IGSF21: variants seen among roughly 807,000 people sequenced by gnomAD.
The protein encoded by IGSF21 is immunoglobulin superfamily member 21.
Under a neutral mutation model 46.8 loss-of-function variants are expected in IGSF21, and 28 were observed. The observed-to-expected ratio is 0.60, with a 90% CI of 0.44 to 0.82. The LOEUF (loss-of-function observed/expected upper bound fraction) is 0.82. IGSF21 is among the 40% of genes least tolerant of loss of function. The probability of loss-of-function intolerance (pLI) is 0.00; values close to 1 mark genes in which losing one functional copy is unlikely to be tolerated. For synonymous variants in IGSF21, 284 were observed against 273.6 expected, an observed-to-expected ratio of 1.04 and a Z score of -0.38; for missense variants, 624 against 665.5, an observed-to-expected ratio of 0.94 and a Z score of 0.69.
intron 1 of IGSF21, among the ~76,000 whole-genome samples, chr1:18,190,089 A>T (rs2086940775): frequency 6.6e-6 from 1 of 152,162 alleles, no homozygotes; most frequent in Non-Finnish European, 1.5e-5. Flanking sequence ...ATGTCTGGGA[A>T]TTGCCCTTGA....
At chr1:18,145,134 A>G (rs756525339) in intron 1 of IGSF21, among the ~76,000 whole-genome samples, 12 of 152,144 alleles carry the variant, frequency 7.9e-5, no homozygotes, top group Non-Finnish European at 1.5e-4. Flanking sequence ...CATGGTGCTG[A>G]CCCTGTCAGC....
intron 1 of IGSF21, among the ~76,000 whole-genome samples, chr1:18,158,510 G>A (rs746903009): frequency 5.9e-5 from 9 of 151,978 alleles, no homozygotes; most frequent in Non-Finnish European, 1.2e-4. Context: ...ACCCAGGCCC[G>A]GGTGTCTGCT....
intron 2 of IGSF21, among the ~76,000 whole-genome samples, chr1:18,235,941 G>A (rs1294748758): frequency 6.6e-6 from 1 of 152,130 alleles, no homozygotes; most frequent in Admixed American, 6.5e-5. Flanking sequence ...AAAATGTTCT[G>A]CTTATGATTT....
intron 3 of IGSF21, among the ~76,000 whole-genome samples, chr1:18,298,599 G>A (rs2085333501): frequency 6.6e-6 from 1 of 152,206 alleles, no homozygotes; most frequent in Non-Finnish European, 1.5e-5. Context: ...TGCACCTTTT[G>A]ATGTATGTTT....
rs901316943 is a variant in IGSF21 at position 18,175,124 on chromosome 1, G to A, written c.71-52774G>A. Among the ~76,000 whole-genome samples, 66 of 152,180 alleles carry A rather than the reference G, an allele frequency of 4.3e-4. 1 individual carries two copies. The highest frequency in any genetic ancestry group is 1.4e-3 in the African/African-American group (57 of 41,440). ...CTGAAACAAACATATTCAAATGCCC[G>A]TGTGACCCTTATCTGGAGTTTGAGT... On this transcript the variant is annotated intron_variant, in intron 1 of 9. Coordinates refer to ENST00000251296, the MANE Select transcript of IGSF21 (RefSeq NM_032880.5).
At chr1:18,203,552 G>T (rs912918764) in intron 1 of IGSF21, among the ~76,000 whole-genome samples, 1 of 152,176 alleles carries the variant, frequency 6.6e-6, no homozygotes, top group Non-Finnish European at 1.5e-5. Context: ...CAAGTGATCT[G>T]CCCGCCTCAG....
chr1:18,342,043 G>A (rs1427320092), intron 4 of IGSF21, among the ~76,000 whole-genome samples: 3 of 117,424 alleles, frequency 2.6e-5, no homozygotes, highest in African/African-American at 6.3e-5. Context: ...TGTGCCTGGT[G>A]CATTTTCCTT....
At chr1:18,201,291 G>A (rs183168725) in intron 1 of IGSF21, among the ~76,000 whole-genome samples, 59 of 152,264 alleles carry the variant, frequency 3.9e-4, no homozygotes, top group Non-Finnish European at 7.8e-4. Flanking sequence ...CACTCAGAAT[G>A]GCCAGGCTAA....
chr1:18,367,267 T>C (rs2086175945), intron 6 of IGSF21, among the ~76,000 whole-genome samples: 1 of 152,162 alleles, frequency 6.6e-6, no homozygotes, highest in Non-Finnish European at 1.5e-5. Context: ...CAGTATCAAA[T>C]ACCAAAGAAA....
chr1:18,351,652 G>A (rs2281401), intron 4 of IGSF21, among the ~76,000 whole-genome samples: 17,876 of 152,212 alleles, frequency 0.12, 1,156 homozygotes, highest in Admixed American at 0.19. Context: ...CCAAGCTTCC[G>A]TGGGCTTCCA....
intron 3 of IGSF21, among the ~76,000 whole-genome samples, chr1:18,311,886 G>A (rs2085491986): frequency 6.6e-6 from 1 of 152,172 alleles, no homozygotes; most frequent in Non-Finnish European, 1.5e-5. Context: ...CAACACATGG[G>A]AATTATGGGA....
chr1:18,139,664 C>A (rs1226899698), intron 1 of IGSF21, among the ~76,000 whole-genome samples: 4 of 152,332 alleles, frequency 2.6e-5, no homozygotes, highest in Admixed American at 2.6e-4. Flanking sequence ...GGGTGTGTGA[C>A]CTAGGCCTCA....
intron 2 of IGSF21, among the ~76,000 whole-genome samples, chr1:18,284,318 T>C (rs569129219): frequency 2.0e-5 from 3 of 152,370 alleles, no homozygotes; most frequent in South Asian, 4.1e-4. Context: ...GACTCATTGG[T>C]TCATTCCACA....
At chr1:18,228,093 T>C (rs1340680074) in intron 2 of IGSF21, 83 bp downstream of exon 2, 1 of 1,084,342 alleles carries the variant, frequency 9.2e-7, no homozygotes, top group African/African-American at 1.5e-5. Flanking sequence ...CCCTCACTGG[T>C]GTGGCTATGA....
In IGSF21 at chr1:18,264,153, T is replaced by C. The variant is rs140909419; in HGVS notation, c.184-27713T>C. On this transcript the variant is annotated intron_variant, in intron 2 of 9. Coordinates refer to ENST00000251296, the MANE Select transcript of IGSF21 (RefSeq NM_032880.5). The stretch of plus-strand genomic sequence containing the variant: ...TGTTTTCCTTGCTCATTATCTTAAA[T>C]TCCCAGGAGTCTGCAGTCCCCTCCT... Among the ~76,000 whole-genome samples, 382 of 152,304 alleles carry C rather than the reference T, an allele frequency of 2.5e-3. 4 individuals are homozygous for C. Among genetic ancestry groups the C allele is most frequent in the African/African-American group, 8.6e-3 (356 of 41,558 alleles).
intron 2 of IGSF21, among the ~76,000 whole-genome samples, chr1:18,275,396 C>T (rs2085090688): frequency 6.6e-6 from 1 of 152,192 alleles, no homozygotes; most frequent in Non-Finnish European, 1.5e-5. Context: ...CCCGTCTCAG[C>T]AATCCCGTCC....
At chr1:18,119,739 G>T (rs2124406021) in intron 1 of IGSF21, among the ~76,000 whole-genome samples, 1 of 145,034 alleles carries the variant, frequency 6.9e-6, no homozygotes, top group Admixed American at 7.2e-5. Flanking sequence ...GAGCCAGAGG[G>T]GGCAAGGCTT....
At chr1:18,204,874 A>C (rs2087110489) in intron 1 of IGSF21, among the ~76,000 whole-genome samples, 1 of 152,206 alleles carries the variant, frequency 6.6e-6, no homozygotes, top group Non-Finnish European at 1.5e-5. Flanking sequence ...TATGACTTGC[A>C]GAGAAAAACT....
chr1:18,295,852 GC>G (rs1230461480), intron 3 of IGSF21, among the ~76,000 whole-genome samples: 2 of 152,198 alleles, frequency 1.3e-5, no homozygotes, highest in East Asian at 1.9e-4. Flanking sequence ...TGCATACCCA[GC>G]CCCCTCGTCC....
Sources: allele counts gnomAD v4.1 joint callset (sites outside exome capture counted in the v4.1 genomes callset), GRCh38; gene constraint gnomAD v4.1.1; transcripts MANE v1.5; gene names NCBI Gene and HGNC (gene_info 2026-07-23, HGNC 2026-07-21).